The following NTNG2 variants were observed in gnomAD, a reference collection of about 807,000 sequenced individuals.
NTNG2 encodes the protein netrin G2, also known as netrin-G2.
A neutral mutation model predicts 47.6 loss-of-function variants in NTNG2; 15 were observed. The ratio of observed to expected loss-of-function variants is 0.32; its 90% CI spans 0.21 to 0.49. The LOEUF is 0.49. NTNG2 is among the 20% of genes least tolerant of loss of function. NTNG2 has a pLI of 0.99. For synonymous variants in NTNG2, 307 were observed against 324.6 expected, an observed-to-expected ratio of 0.95 and a Z score of 0.58; for missense variants, 578 against 764.6, an observed-to-expected ratio of 0.76 and a Z score of 2.88.
intron 3 of NTNG2, among the ~76,000 whole-genome samples, chr9:132,214,607 CAG>C (rs1839838809): frequency 6.6e-6 from 1 of 152,166 alleles, no homozygotes. Context: ...TCCTTGCTGG[CAG>C]CAGGGCCAGC....
At chr9:132,210,471 A>T (rs138741203) in intron 3 of NTNG2, among the ~76,000 whole-genome samples, 118 of 152,316 alleles carry the variant, frequency 7.7e-4, no homozygotes, top group African/African-American at 2.6e-3. Flanking sequence ...ATCAGTCAAC[A>T]GTCATGCAGG....
intron 3 of NTNG2, among the ~76,000 whole-genome samples, chr9:132,219,139 C>T (rs1840183060): frequency 6.6e-6 from 1 of 151,694 alleles, no homozygotes; most frequent in Non-Finnish European, 1.5e-5. Flanking sequence ...ATCACTTGAA[C>T]CCAGGAGGCA....
intron 3 of NTNG2, among the ~76,000 whole-genome samples, chr9:132,200,558 T>C (rs1474835696): frequency 1.3e-5 from 2 of 152,246 alleles, no homozygotes; most frequent in Admixed American, 6.5e-5. Flanking sequence ...TTGCCAGCCA[T>C]GTGCTGTGGT....
intron 2 of NTNG2, among the ~76,000 whole-genome samples, chr9:132,190,104 G>T (rs899565850): frequency 6.7e-6 from 1 of 150,186 alleles, no homozygotes; most frequent in African/African-American, 2.4e-5. Context: ...GTGGTGGCGG[G>T]CACCTGTAAT....
rs1435249949 is a variant in NTNG2, at chr9:132,162,567, AGAGTGTGTGTGT to A, written c.-484+330_-484+341del. ...GTGTGTGTGTGTGTGAGAGAGAGAC[AGAGTGTGTGTGT>A]GTGTGTGTGTGTGTGTGTGTGTGTG... On this transcript the variant is annotated intron_variant, in intron 1 of 7. Coordinates refer to ENST00000393229, the MANE Select transcript of NTNG2 (RefSeq NM_032536.4). The surrounding 1 kb of genome is among the most constrained non-coding windows in gnomAD (Gnocchi z 4.6). 2.0e-5 allele frequency among the ~76,000 whole-genome samples: 2 copies of A among 101,684 alleles called. No homozygotes were observed. Among genetic ancestry groups the A allele is most frequent in the African/African-American group, 7.3e-5 (2 of 27,400 alleles). 66.7% of individuals were successfully genotyped at this position (101,684 alleles called of 152,430 possible). A position where few individuals can be genotyped will look rare whatever the true frequency, so the allele number is the denominator to read the frequency against.
intron 1 of NTNG2, among the ~76,000 whole-genome samples, chr9:132,164,706 T>C (rs10901132): frequency 0.18 from 26,967 of 152,266 alleles, 2,799 homozygotes; most frequent in Middle Eastern, 0.23. Flanking sequence ...TGTAACAGGT[T>C]CCCCTTTAAA....
chr9:132,238,380 G>A (rs1841772889), intron 5 of NTNG2, among the ~76,000 whole-genome samples: 1 of 152,038 alleles, frequency 6.6e-6, no homozygotes, highest in Non-Finnish European at 1.5e-5. Context: ...GGCAGGACAT[G>A]GTGGTGGTGG....
At chr9:132,210,916 C>G (rs1278477356) in intron 3 of NTNG2, among the ~76,000 whole-genome samples, 1 of 151,974 alleles carries the variant, frequency 6.6e-6, no homozygotes, top group East Asian at 1.9e-4. Flanking sequence ...ACACACGCAG[C>G]CATTCACTCA....
chr9:132,182,472 G>A lies in NTNG2; in HGVS notation c.213+15428G>A, dbSNP rs1837020893. 6.6e-6 allele frequency among the ~76,000 whole-genome samples: 1 copy of A among 152,090 alleles called. No individual in the cohort carries two copies. Among genetic ancestry groups the A allele is most frequent in the Non-Finnish European group, 1.5e-5 (1 of 68,006 alleles). ...CTGGAAGGAGGAGGCCCAAGTGGGTGGGGGGCTGGGTGGCCTTCCTTGCTG... is the reference window on the plus strand; with the variant it reads ...CTGGAAGGAGGAGGCCCAAGTGGGTAGGGGGCTGGGTGGCCTTCCTTGCTG... On this transcript the variant is annotated intron_variant, in intron 2 of 7. Coordinates refer to ENST00000393229, the MANE Select transcript of NTNG2 (RefSeq NM_032536.4). The surrounding 1 kb of genome is among the most constrained non-coding windows in gnomAD (Gnocchi z 4.2).
At chr9:132,207,385 C>T (rs571520693) in intron 3 of NTNG2, among the ~76,000 whole-genome samples, 35 of 152,274 alleles carry the variant, frequency 2.3e-4, no homozygotes, top group African/African-American at 6.7e-4. Flanking sequence ...CTGGTGGGGC[C>T]GGCAGCCTCT....
chr9:132,233,914 C>A (rs1841430463), intron 5 of NTNG2: 2 of 152,016 alleles, frequency 1.3e-5, no homozygotes, highest in African/African-American at 4.8e-5. Flanking sequence ...GGCAGCTGCT[C>A]AAGGTCTCAG....
At chr9:132,211,762 C>T (rs1839606399) in intron 3 of NTNG2, among the ~76,000 whole-genome samples, 1 of 152,186 alleles carries the variant, frequency 6.6e-6, no homozygotes, top group Non-Finnish European at 1.5e-5. Context: ...GACAATTCCA[C>T]AGCCTTGCCA....
rs1334915508 is a variant in NTNG2, at chr9:132,180,057, C to A, written c.213+13013C>A. 2.6e-5 allele frequency among the ~76,000 whole-genome samples: 4 copies of A among 152,218 alleles called. No individual in the cohort carries two copies. The highest frequency in any genetic ancestry group is 9.6e-5 in the African/African-American group (4 of 41,456). ...CTCAGGCCTGTCTTCAAGGACCTGG[C>A]ATCCTTCTGTCCCAGGGCAGTTTGT... On this transcript the variant is annotated intron_variant, in intron 2 of 7. Transcript: ENST00000393229. This position sits in a 1 kb window ranked among gnomAD's most constrained non-coding sequence, Gnocchi z 4.2.
At chr9:132,170,598 C>G (rs7855758) in intron 2 of NTNG2, among the ~76,000 whole-genome samples, 69,172 of 152,084 alleles carry the variant, frequency 0.45, 17,447 homozygotes, top group African/African-American at 0.68. Flanking sequence ...CTGCAAGACA[C>G]GTCTCCCGCC....
At chr9:132,190,426 G>A (rs1837794389) in intron 2 of NTNG2, among the ~76,000 whole-genome samples, 1 of 151,978 alleles carries the variant, frequency 6.6e-6, no homozygotes, top group Non-Finnish European at 1.5e-5. Context: ...TCCCAACTCT[G>A]AGATTTCATC....
rs1001439629 is a variant in NTNG2 at position 132,243,244 on chromosome 9, G to C, written c.*1133G>C. 6.6e-6 allele frequency: 1 copy of C among 152,238 alleles called. No homozygotes were observed. The highest frequency in any genetic ancestry group is 2.1e-4 in the South Asian group (1 of 4,832). The allele number at this position is 152,238 out of a possible 1,614,324, so 9.4% of individuals were successfully genotyped here. On this transcript the variant is annotated 3_prime_UTR_variant, in exon 8 of 8. Transcript: ENST00000393229. ...GTGTCATCTCAGACCTGTTGCAGCC[G>C]GAGCCTCAAGTCCAATATCAGATGA...
intron 3 of NTNG2, among the ~76,000 whole-genome samples, chr9:132,210,905 C>A (rs1040481845): frequency 2.6e-5 from 4 of 152,102 alleles, no homozygotes; most frequent in African/African-American, 9.7e-5. Flanking sequence ...CCAAGTCACA[C>A]ACACACGCAG....
At chr9:132,207,628 T>C (rs954706016) in intron 3 of NTNG2, among the ~76,000 whole-genome samples, 2 of 151,970 alleles carry the variant, frequency 1.3e-5, no homozygotes, top group African/African-American at 4.8e-5. Context: ...GCACTGGGGG[T>C]CAGGATGTCA....
chr9:132,218,645 T>TCC lies in NTNG2; in HGVS notation c.858-8204_858-8203insCC, dbSNP rs1840151652. ...CCGAGTAGCTGGGATTACAGGCGCA[T>TCC]GCCACCACACCCAGCTAATTTTTGT... On this transcript the variant is annotated intron_variant, in intron 3 of 7. Coordinates refer to ENST00000393229, the MANE Select transcript of NTNG2 (RefSeq NM_032536.4). This position sits in a 1 kb window ranked among gnomAD's most constrained non-coding sequence, Gnocchi z 5.4. Among the ~76,000 whole-genome samples, 2 of 152,002 alleles carry TCC rather than the reference T, an allele frequency of 1.3e-5. No homozygotes were observed. Among genetic ancestry groups the TCC allele is most frequent in the African/African-American group, 4.8e-5 (2 of 41,358 alleles).
Sources: gnomAD v4.1 joint callset for allele counts (sites outside exome capture counted in the v4.1 genomes callset) on GRCh38, gnomAD v4.1.1 for gene constraint, Gnocchi (gnomAD v3.1) non-coding constraint, MANE v1.5 for transcripts, NCBI Gene and HGNC (gene_info 2026-07-23, HGNC 2026-07-21) for gene names.